The following MALRD1 variants were observed in gnomAD, a reference collection of about 807,000 sequenced individuals.
The protein encoded by MALRD1 is MAM and LDL receptor class A domain containing 1.
MALRD1 carries 247 observed loss-of-function variants against 242.1 expected under a neutral mutation model. The observed-to-expected ratio is 1.02, with a 90% CI of 0.92 to 1.13. The LOEUF (loss-of-function observed/expected upper bound fraction) is 1.13, where lower values mean the gene tolerates loss of function less well. Ranked by LOEUF, MALRD1 falls within the 50% of genes most tolerant of loss-of-function variation. The probability of loss-of-function intolerance (pLI) is 0.00; values close to 1 mark genes in which losing one functional copy is unlikely to be tolerated. For synonymous variants in MALRD1, 995 were observed against 866.6 expected (o/e 1.15, Z -2.60); for missense variants, 2,989 against 2,533.1 (o/e 1.18, Z -3.86).
chr10:19,236,261 C>T (rs1356323968), intron 18 of MALRD1, among the ~76,000 whole-genome samples: 2 of 152,140 alleles, frequency 1.3e-5, no homozygotes, highest in African/African-American at 4.8e-5. Flanking sequence ...TTGACCCAGG[C>T]TTTGACTAGT....
intron 4 of MALRD1, among the ~76,000 whole-genome samples, chr10:19,094,576 TAG>T (rs991446365): frequency 4.6e-5 from 7 of 151,880 alleles, no homozygotes; most frequent in Non-Finnish European, 8.8e-5. Context: ...CTGGGAGCTG[TAG>T]ACCGGAGCTG....
intron 24 of MALRD1, among the ~76,000 whole-genome samples, chr10:19,334,973 G>A (rs1045709805): frequency 1.2e-4 from 18 of 151,864 alleles, no homozygotes; most frequent in African/African-American, 4.4e-4. Context: ...TTTGTATTTA[G>A]GCTCTAAAGT....
At chr10:19,052,010 G>A (rs565637832) in intron 1 of MALRD1, 44 of 299,480 alleles carry the variant, frequency 1.5e-4, no homozygotes, top group Middle Eastern at 1.4e-3. Context: ...CAGAAGCACC[G>A]CCCATTGTGA....
At chr10:19,306,125 A>ATAG (rs1564546907) in intron 21 of MALRD1, among the ~76,000 whole-genome samples, 2 of 82,532 alleles carry the variant, frequency 2.4e-5, no homozygotes, top group African/African-American at 1.2e-4. Flanking sequence ...ACTATCTAGT[A>ATAG]TATATAGTAT....
chr10:19,558,391 T>G (rs1453417749), intron 32 of MALRD1, among the ~76,000 whole-genome samples: 1 of 152,176 alleles, frequency 6.6e-6, no homozygotes, highest in East Asian at 1.9e-4. Flanking sequence ...TCAATATTCT[T>G]TATCAATATG....
At chr10:19,091,695 T>C (rs1835870426) in intron 4 of MALRD1, among the ~76,000 whole-genome samples, 1 of 86,782 alleles carries the variant, frequency 1.2e-5, no homozygotes, top group South Asian at 4.1e-4. Flanking sequence ...GTGTCAATTT[T>C]GGATCTTTCC....
intron 14 of MALRD1, among the ~76,000 whole-genome samples, chr10:19,193,700 G>T (rs183546718): frequency 5.4e-4 from 82 of 152,228 alleles, no homozygotes; most frequent in African/African-American, 2.0e-3. Context: ...GTTATCTTGG[G>T]TAATAAGAGT....
intron 36 of MALRD1, among the ~76,000 whole-genome samples, chr10:19,634,349 C>A (rs1840035777): frequency 6.6e-6 from 1 of 152,094 alleles, no homozygotes; most frequent in Non-Finnish European, 1.5e-5. Context: ...AGAAATGCTG[C>A]TAAATTTGAG....
intron 28 of MALRD1, among the ~76,000 whole-genome samples, chr10:19,414,404 AAG>A (rs1833418869): frequency 6.6e-6 from 1 of 152,216 alleles, no homozygotes; most frequent in Non-Finnish European, 1.5e-5. Flanking sequence ...AAACCAAGGA[AAG>A]AGAGGCATAA....
chr10:19,696,187 T>G (rs1833370264), intron 38 of MALRD1, among the ~76,000 whole-genome samples: 1 of 152,188 alleles, frequency 6.6e-6, no homozygotes, highest in Non-Finnish European at 1.5e-5. Flanking sequence ...TCAGAGACCC[T>G]GCCAATCAAC....
At chr10:19,410,554 T>C (rs1833234471) in intron 28 of MALRD1, among the ~76,000 whole-genome samples, 1 of 152,156 alleles carries the variant, frequency 6.6e-6, no homozygotes, top group Non-Finnish European at 1.5e-5. Flanking sequence ...GTGAACATTG[T>C]GCACTTCAGG....
intron 32 of MALRD1, among the ~76,000 whole-genome samples, chr10:19,565,911 A>T (rs1377397174): frequency 6.6e-6 from 1 of 152,098 alleles, no homozygotes; most frequent in African/African-American, 2.4e-5. Flanking sequence ...GTTTATAATC[A>T]TCTTGATTTA....
At chr10:19,331,168 G>A (rs1202400915) in intron 23 of MALRD1, among the ~76,000 whole-genome samples, 1 of 152,096 alleles carries the variant, frequency 6.6e-6, no homozygotes, top group Non-Finnish European at 1.5e-5. Flanking sequence ...CACATTCTTA[G>A]GTGTTGAGGA....
At chr10:19,678,942 A>C (rs1265486858) in intron 36 of MALRD1, among the ~76,000 whole-genome samples, 1 of 152,092 alleles carries the variant, frequency 6.6e-6, no homozygotes, top group Non-Finnish European at 1.5e-5. Context: ...AGTTCTGTTT[A>C]TGTGATGAAT....
At chr10:19,124,799 C>T (rs1837194529) in intron 7 of MALRD1, 129 bp downstream of exon 7, 1 of 734,746 alleles carries the variant, frequency 1.4e-6, no homozygotes, top group South Asian at 7.4e-5. Context: ...TACATTCTGC[C>T]AAAGGAGCTG....
At chr10:19,426,240 C>T (rs1306348638) in intron 28 of MALRD1, among the ~76,000 whole-genome samples, 2 of 152,010 alleles carry the variant, frequency 1.3e-5, no homozygotes, top group Non-Finnish European at 2.9e-5. Context: ...AAATGGGGTA[C>T]TTAGTGGTTA....
In MALRD1 at chr10:19,376,552, T is replaced by A. The variant is rs986755630; in HGVS notation, c.4442-10976T>A. ...AGGAGTTGATACATTCTTTTTTTTTTTTTTTTTTTTTTTTTTTTGTAAGAG... is the reference window on the plus strand; with the variant it reads ...AGGAGTTGATACATTCTTTTTTTTTATTTTTTTTTTTTTTTTTTGTAAGAG... On this transcript the variant is annotated intron_variant, in intron 26 of 39. Transcript: ENST00000454679. Among the ~76,000 whole-genome samples, 115 of 140,846 alleles carry A rather than the reference T, an allele frequency of 8.2e-4. 2 individuals are homozygous for A. The highest frequency in any genetic ancestry group is 2.6e-3 in the African/African-American group (97 of 37,636). 92.4% of individuals were successfully genotyped at this position (140,846 alleles called of 152,430 possible). A position where few individuals can be genotyped will look rare whatever the true frequency, so the allele number is the denominator to read the frequency against.
intron 6 of MALRD1, among the ~76,000 whole-genome samples, chr10:19,124,188 C>A (rs549077916): frequency 2.0e-5 from 3 of 152,022 alleles, no homozygotes; most frequent in Non-Finnish European, 4.4e-5. Flanking sequence ...CTGCATTTGG[C>A]CTGGGTGGCA....
chr10:19,586,553 G>C (rs892569437), intron 33 of MALRD1, among the ~76,000 whole-genome samples: 2 of 152,182 alleles, frequency 1.3e-5, no homozygotes, highest in African/African-American at 4.8e-5. Flanking sequence ...TCAGGGGTCA[G>C]GGACCCACTT....
Sources: allele counts gnomAD v4.1 joint callset (sites outside exome capture counted in the v4.1 genomes callset), GRCh38; gene constraint gnomAD v4.1.1; transcripts MANE v1.5; gene names NCBI Gene and HGNC (gene_info 2026-07-23, HGNC 2026-07-21).